The following THADA variants were observed in gnomAD, a reference collection of about 807,000 sequenced individuals.
THADA encodes the protein tRNA (32-2'-O)-methyltransferase regulator THADA.
A neutral mutation model predicts 219.8 loss-of-function variants in THADA; 213 were observed. The ratio of observed to expected loss-of-function variants is 0.97; its 90% confidence interval spans 0.87 to 1.09. The LOEUF (loss-of-function observed/expected upper bound fraction) is 1.09. THADA is among the 50% of genes least tolerant of loss of function. The probability of loss-of-function intolerance (pLI) is 0.00; values close to 1 mark genes in which losing one functional copy is unlikely to be tolerated. For missense variants in THADA, 2,956 were observed against 2,311.3 expected (o/e 1.28, Z -5.72); for synonymous variants, 1,018 against 828.9 (o/e 1.23, Z -3.92).
At chr2:43,276,439 T>C (rs1182451902) in intron 36 of THADA, among the ~76,000 whole-genome samples, 1 of 152,192 alleles carries the variant, frequency 6.6e-6, no homozygotes, top group Admixed American at 6.5e-5. Context: ...CATGGCATTA[T>C]TTTCTCCAGG....
intron 36 of THADA, among the ~76,000 whole-genome samples, chr2:43,274,827 C>G (rs1178896009): frequency 6.6e-6 from 1 of 151,930 alleles, no homozygotes; most frequent in Non-Finnish European, 1.5e-5. Flanking sequence ...CTTTAAAGGT[C>G]TTACATATTT....
At chr2:43,387,259 T>A (rs908431990) in intron 29 of THADA, among the ~76,000 whole-genome samples, 6 of 152,288 alleles carry the variant, frequency 3.9e-5, no homozygotes, top group Non-Finnish European at 7.4e-5. Context: ...TCTCTGACTC[T>A]GAGGAGGGCA....
chr2:43,324,343 T>G (rs904871058), intron 30 of THADA, among the ~76,000 whole-genome samples: 13 of 152,214 alleles, frequency 8.5e-5, no homozygotes, highest in African/African-American at 3.1e-4. Context: ...AATCACTGAC[T>G]GCTCCCACAA....
At chr2:43,425,724 T>C (rs1678348136) in intron 28 of THADA, among the ~76,000 whole-genome samples, 2 of 152,172 alleles carry the variant, frequency 1.3e-5, no homozygotes, top group African/African-American at 2.4e-5. Flanking sequence ...CTAGGCTCTG[T>C]ACTTAAGGAA....
chr2:43,265,800 C>G (rs550190918), intron 36 of THADA, among the ~76,000 whole-genome samples: 1 of 152,170 alleles, frequency 6.6e-6, no homozygotes, highest in Non-Finnish European at 1.5e-5. Flanking sequence ...CATTCCCCAC[C>G]CTGACCCACT....
intron 31 of THADA, among the ~76,000 whole-genome samples, chr2:43,304,575 CAT>C (rs1276807834): frequency 2.0e-5 from 3 of 152,116 alleles, no homozygotes; most frequent in Non-Finnish European, 4.4e-5. Flanking sequence ...CCTTTGCAGA[CAT>C]AACTGTTCTA....
chr2:43,553,245 C>T (rs1326318216), intron 17 of THADA, among the ~76,000 whole-genome samples: 2 of 152,238 alleles, frequency 1.3e-5, no homozygotes, highest in East Asian at 3.9e-4. Flanking sequence ...TGTATGTTTT[C>T]ATTTCTCTTA....
chr2:43,480,391 T>C (rs931407802), intron 26 of THADA, among the ~76,000 whole-genome samples: 7 of 152,210 alleles, frequency 4.6e-5, no homozygotes, highest in African/African-American at 1.7e-4. Flanking sequence ...TTCATCAGAC[T>C]TGGAGTCCCC....
chr2:43,459,558 T>A (rs1279233460), intron 26 of THADA, among the ~76,000 whole-genome samples: 1 of 152,162 alleles, frequency 6.6e-6, no homozygotes, highest in East Asian at 1.9e-4. Context: ...AAAGTCAAAA[T>A]AATAATAAGG....
At chr2:43,403,768 T>G (rs554399891) in intron 28 of THADA, among the ~76,000 whole-genome samples, 3 of 152,260 alleles carry the variant, frequency 2.0e-5, no homozygotes. Context: ...CCAAGCGGTT[T>G]GCATCTTCAG....
intron 26 of THADA, among the ~76,000 whole-genome samples, chr2:43,431,600 G>A: frequency 6.8e-6 from 1 of 147,148 alleles, no homozygotes; most frequent in East Asian, 2.0e-4. Context: ...CAAGTAGCTG[G>A]GACTACAGGC....
rs1480683190 is a variant in THADA at position 43,291,739 on chromosome 2, A to C, written c.4967T>G (p.Leu1656Arg). The change falls in exon 34 of 38, where the codon CTT (leucine) becomes CGT (arginine). Residue 1656 changes from leucine to arginine, a missense_variant. Physicochemically the swap from Leu to Arg is moderately radical, Grantham distance 102. Transcript: ENST00000405975. ...GTGGTGGGAAATGACTTTGGAAGCA[A>C]GTCTCAGAGCTACACTCTGAATTTC... ...RSEIQSVALR[L>R]ASKVISHHMQ... 1.3e-6 allele frequency: 2 copies of C among 1,555,884 alleles called. No homozygotes were observed. The highest frequency in any genetic ancestry group is 2.4e-5 in the East Asian group (1 of 42,150).
chr2:43,248,206 GAGAGAGAGAC>G (rs1669441012), intron 36 of THADA, among the ~76,000 whole-genome samples: 3 of 133,750 alleles, frequency 2.2e-5, no homozygotes, highest in Non-Finnish European at 4.9e-5. Context: ...GAGAGAGAGA[GAGAGAGAGAC>G]AGAGAGAGAG....
chr2:43,514,106 G>T (rs549969749), intron 22 of THADA, among the ~76,000 whole-genome samples: 1 of 151,054 alleles, frequency 6.6e-6, no homozygotes, highest in Non-Finnish European at 1.5e-5. Context: ...AAAACAAGCC[G>T]TAGTGAAATA....
chr2:43,490,085 T>C (rs1444149743), intron 25 of THADA, among the ~76,000 whole-genome samples: 1 of 152,154 alleles, frequency 6.6e-6, no homozygotes, highest in Non-Finnish European at 1.5e-5. Flanking sequence ...TTTGCTAAAT[T>C]TATTCCTAAG....
chr2:43,559,255 G>A (rs959570591), intron 16 of THADA, among the ~76,000 whole-genome samples: 16 of 152,108 alleles, frequency 1.1e-4, no homozygotes, highest in Non-Finnish European at 1.8e-4. Flanking sequence ...CATAGGCATC[G>A]GTAGATGCTG....
chr2:43,568,584 T>A (rs1197496216), intron 14 of THADA, among the ~76,000 whole-genome samples: 1 of 152,174 alleles, frequency 6.6e-6, no homozygotes, highest in Non-Finnish European at 1.5e-5. Context: ...AAATTCACAA[T>A]CTCAATCCAA....
At chr2:43,577,283 A>G (rs751295132) in intron 9 of THADA, 41 bp from the exon 10 acceptor site, 8 of 1,467,288 alleles carry the variant, frequency 5.5e-6, no homozygotes, top group Admixed American at 4.2e-5. Flanking sequence ...AAAGCTTTTA[A>G]AACTTTTCAG....
chr2:43,537,689 G>A (rs79725075), intron 21 of THADA, among the ~76,000 whole-genome samples: 6,726 of 152,142 alleles, frequency 0.044, 327 homozygotes, highest in African/African-American at 0.12. Context: ...TTTTTAGACC[G>A]GGCATGGTAG....
Sources: allele counts gnomAD v4.1 joint callset (sites outside exome capture counted in the v4.1 genomes callset), GRCh38; gene constraint gnomAD v4.1.1; transcripts MANE v1.5; gene names NCBI Gene and HGNC (gene_info 2026-07-23, HGNC 2026-07-21).